The following ZNF589 variants were observed in gnomAD, a reference collection of about 807,000 sequenced individuals.
ZNF589 encodes zinc finger protein 589, also known as KRAB-zinc finger protein SZF1-1.
ZNF589 carries 17 observed loss-of-function variants against 13.6 expected under a neutral mutation model. That is an observed-to-expected ratio of 1.25 (90% CI 0.86 to 1.88). The LOEUF is 1.88. Ranked by LOEUF, ZNF589 falls within the 40% of genes most tolerant of loss-of-function variation. The pLI is 0.00. For synonymous variants in ZNF589, 148 were observed against 161.6 expected (o/e 0.92, Z 0.64); for missense variants, 407 against 434.0 (o/e 0.94, Z 0.55).
chr3:48,261,228 C>T (rs991951424), intron 3 of ZNF589, among the ~76,000 whole-genome samples: 6 of 151,792 alleles, frequency 4.0e-5, no homozygotes, highest in Non-Finnish European at 8.8e-5. Context: ...TCTGAAGTGC[C>T]GGGTGTGGAG....
At chr3:48,245,471 A>C (rs1039524593) in intron 1 of ZNF589, among the ~76,000 whole-genome samples, 1 of 152,038 alleles carries the variant, frequency 6.6e-6, no homozygotes. Context: ...GTCAAGGAGG[A>C]AGCTTCAGAC....
chr3:48,246,640 A>G (rs564685254), intron 1 of ZNF589, among the ~76,000 whole-genome samples: 1 of 152,082 alleles, frequency 6.6e-6, no homozygotes. Flanking sequence ...TTTTCATTAA[A>G]TCACAGACTT....
At chr3:48,250,902 T>C (rs1055768217) in intron 2 of ZNF589, among the ~76,000 whole-genome samples, 3 of 151,904 alleles carry the variant, frequency 2.0e-5, no homozygotes, top group Non-Finnish European at 2.9e-5. Flanking sequence ...TATAAAATGG[T>C]TTTTTAAATA....
intron 1 of ZNF589, among the ~76,000 whole-genome samples, chr3:48,247,015 A>G (rs1203464255): frequency 1.3e-5 from 2 of 149,758 alleles, no homozygotes; most frequent in African/African-American, 5.0e-5. Flanking sequence ...CTGTTGCCCA[A>G]GCTGGAGTGC....
chr3:48,258,130 A>G (rs1254870636), intron 2 of ZNF589, among the ~76,000 whole-genome samples: 1 of 152,198 alleles, frequency 6.6e-6, no homozygotes, highest in Non-Finnish European at 1.5e-5. Flanking sequence ...TGACATCTTT[A>G]CTATGTTGAG....
At chr3:48,253,753 C>T (rs552138244) in intron 2 of ZNF589, among the ~76,000 whole-genome samples, 47 of 151,788 alleles carry the variant, frequency 3.1e-4, no homozygotes, top group Admixed American at 1.6e-3. Flanking sequence ...CCACCCACCT[C>T]GGCCTCCCAA....
chr3:48,241,176 G>A lies in ZNF589; in HGVS notation c.5G>A (p.Trp2Ter). The A allele has an allele frequency of 6.2e-7, 1 of 1,613,658 alleles. No homozygotes were observed. ...CGTGCGTGCGTGCGCGCGCAGATGT[G>A]GGCCCCGCGGGAGCAGCTACTGGGC... M[W>*]APREQLLGWT... is the part of the protein sequence containing the mutation. Residue 2 changes from tryptophan (W) to a stop codon, truncating the protein, a stop_gained, in exon 1 of 4, where the codon TGG becomes TAG. Coordinates refer to ENST00000354698, the MANE Select transcript of ZNF589 (RefSeq NM_016089.3). LOFTEE classifies it high-confidence loss of function.
rs2034080127 is a variant in ZNF589, at chr3:48,270,626, C to T, written c.*1840C>T. 9.5e-6 allele frequency: 2 copies of T among 209,822 alleles called. No individual in the cohort carries two copies. Among genetic ancestry groups the T allele is most frequent in the Non-Finnish European group, 2.0e-5 (2 of 102,056 alleles). 13.0% of individuals were successfully genotyped at this position (209,822 alleles called of 1,614,324 possible). On this transcript the variant is annotated 3_prime_UTR_variant, in exon 4 of 4. Transcript: ENST00000354698. ...CAATGAGTGTACCTTGGAGAGCTAT[C>T]CACTCAGGCCCCAGTGCCTCTATTT...
rs779122653 is a variant in ZNF589 at position 48,247,691 on chromosome 3, G to A, written c.96+14G>A. ...CCTAGATATCTGGTGAGTTGGGCCC[G>A]CCCTTCTCTTTTCTGAAATGCTGGC... On this transcript the variant is annotated intron_variant, in intron 2 of 3. Transcript: ENST00000354698. The A allele has an allele frequency of 9.3e-6, 15 of 1,612,060 alleles. No homozygotes were observed. The highest frequency in any genetic ancestry group is 4.5e-5 in the East Asian group (2 of 44,854).
At chr3:48,258,329 G>A (rs2033931840) in intron 2 of ZNF589, among the ~76,000 whole-genome samples, 1 of 152,116 alleles carries the variant, frequency 6.6e-6, no homozygotes, top group South Asian at 2.1e-4. Context: ...CATGGTCGTT[G>A]TTAATCTATA....
chr3:48,265,301 T>G lies in ZNF589; in HGVS notation c.224-2614T>G, dbSNP rs112621772. 1.4e-3 allele frequency among the ~76,000 whole-genome samples: 139 copies of G among 100,354 alleles called. 1 individual carries two copies. The highest frequency in any genetic ancestry group is 4.0e-3 in the African/African-American group (122 of 30,508). 65.8% of individuals were successfully genotyped at this position (100,354 alleles called of 152,430 possible). On this transcript the variant is annotated intron_variant, in intron 3 of 3. Coordinates refer to ENST00000354698, the MANE Select transcript of ZNF589 (RefSeq NM_016089.3). ...TTTTTTTTTTTTTTTTTTTTTTTTT[T>G]GGAGACAGAGTTTCACTCTTGTGGC...
In ZNF589 at chr3:48,268,085, C is replaced by A; in HGVS notation, c.394C>A (p.Pro132Thr). The change falls in exon 4 of 4, where the codon CCT (proline) becomes ACT (threonine). Residue 132 changes from proline to threonine, a missense_variant. Transcript: ENST00000354698. ...AGAGGATCAGCCACAGTCACAACAT[C>A]CTTCTGATAAAAATCACAGGGGGGC... ...CPEDQPQSQHPSDKNHRGAEA... is the reference protein window; with the variant it reads ...CPEDQPQSQHTSDKNHRGAEA... 2 of 1,614,190 alleles carry A rather than the reference C, an allele frequency of 1.2e-6. No homozygotes were observed. The highest frequency in any genetic ancestry group is 1.7e-6 in the Non-Finnish European group (2 of 1,180,050).
rs1347801531 is a variant in ZNF589 at position 48,256,438 on chromosome 3, A to T, written c.97-4375A>T. 4 of 553,068 alleles carry T rather than the reference A, an allele frequency of 7.2e-6. No homozygotes were observed. In the African/African-American group the frequency reaches 7.7e-5, roughly 11 times the overall value. The allele number at this position is 553,068 out of a possible 1,614,324, so 34.3% of individuals were successfully genotyped here. A position where few individuals can be genotyped will look rare whatever the true frequency, so the allele number is the denominator to read the frequency against. ...GGCCATGAACGCCCTGTTCCAGGGG[A>T]GGCCTTTTTTTGTAGATGGGCATGA... On this transcript the variant is annotated intron_variant, in intron 2 of 3. Transcript: ENST00000354698.
intron 2 of ZNF589, among the ~76,000 whole-genome samples, chr3:48,248,908 G>A (rs2033801242): frequency 6.6e-6 from 1 of 152,174 alleles, no homozygotes; most frequent in Non-Finnish European, 1.5e-5. Flanking sequence ...AAGGGATAGA[G>A]TATAGGAGAC....
In ZNF589 at chr3:48,269,282, GGA is replaced by G; in HGVS notation, c.*500_*501del. On this transcript the variant is annotated 3_prime_UTR_variant, in exon 4 of 4. Coordinates refer to ENST00000354698, the MANE Select transcript of ZNF589 (RefSeq NM_016089.3). ...CACAGGAGAAAAGCCTTATGTCTGC[GGA>G]GAGTGTGGGCGAGGCTTTATAGCTC... 6.8e-7 allele frequency: 1 copy of G among 1,471,468 alleles called. No individual in the cohort carries two copies. The highest frequency in any genetic ancestry group is 2.7e-5 in the East Asian group (1 of 37,004). 91.2% of individuals were successfully genotyped at this position (1,471,468 alleles called of 1,614,324 possible). A position where few individuals can be genotyped will look rare whatever the true frequency, so the allele number is the denominator to read the frequency against.
rs75794751 is a variant in ZNF589, at chr3:48,255,003, G to A, written c.97-5810G>A. On this transcript the variant is annotated intron_variant, in intron 2 of 3. Coordinates refer to ENST00000354698, the MANE Select transcript of ZNF589 (RefSeq NM_016089.3). ...CTCATTGCAATAGCTAGGACTTTCA[G>A]TACAATGTTGAACAGGAGTGGTGAG... Among the ~76,000 whole-genome samples, 1,084 of 152,090 alleles carry A rather than the reference G, an allele frequency of 7.1e-3. 9 individuals are homozygous for A. Among genetic ancestry groups the A allele is most frequent in the Middle Eastern group, 0.037 (11 of 294 alleles).
chr3:48,245,205 C>G (rs1026199590), intron 1 of ZNF589, among the ~76,000 whole-genome samples: 2 of 152,052 alleles, frequency 1.3e-5, no homozygotes, highest in Admixed American at 1.3e-4. Flanking sequence ...ACCTTTGCCT[C>G]TGGGGCTCAA....
intron 3 of ZNF589, among the ~76,000 whole-genome samples, chr3:48,265,052 A>G (rs1338070960): frequency 6.7e-6 from 1 of 150,126 alleles, no homozygotes; most frequent in Non-Finnish European, 1.5e-5. Flanking sequence ...GCTCACTGCA[A>G]CCTCCGCCTC....
rs746251601 is a variant in ZNF589 at position 48,241,129 on chromosome 3, G to T, written c.-43G>T. The T allele has an allele frequency of 1.9e-6, 3 of 1,611,954 alleles. No individual in the cohort carries two copies. Among genetic ancestry groups the T allele is most frequent in the Non-Finnish European group, 2.5e-6 (3 of 1,179,062 alleles). ...GCGCATTCTAATCCGTTTCACACAC[G>T]GTGCTGCTACCTCGTTTGCTTCGTG... On this transcript the variant is annotated 5_prime_UTR_variant, in exon 1 of 4. Transcript: ENST00000354698.
Sources: gnomAD v4.1 joint callset for allele counts (sites outside exome capture counted in the v4.1 genomes callset) on GRCh38, gnomAD v4.1.1 for gene constraint, MANE v1.5 for transcripts, NCBI Gene and HGNC (gene_info 2026-07-23, HGNC 2026-07-21) for gene names.